Variants in ANXA4 observed in about 807,000 individuals in gnomAD.
ANXA4 encodes 35-beta calcimedin.
Under a neutral mutation model 49.8 loss-of-function variants are expected in ANXA4, and 39 were observed. The ratio of observed to expected loss-of-function variants is 0.78; its 90% confidence interval spans 0.61 to 1.02. The LOEUF (loss-of-function observed/expected upper bound fraction) is 1.02. ANXA4 is among the 50% of genes least tolerant of loss of function. ANXA4 has a pLI of 0.00. For synonymous variants in ANXA4, 134 were observed against 152.5 expected, an observed-to-expected ratio of 0.88 and a Z score of 0.89; for missense variants, 360 against 410.1, an observed-to-expected ratio of 0.88 and a Z score of 1.05.
intron 1 of ANXA4, among the ~76,000 whole-genome samples, chr2:69,776,745 A>G (rs1671976278): frequency 6.6e-6 from 1 of 151,788 alleles, no homozygotes; most frequent in Admixed American, 6.6e-5. Flanking sequence ...AGCTCATGAG[A>G]AAAAAAAATT....
At chr2:69,748,786 C>G (rs1670725531) in intron 1 of ANXA4, among the ~76,000 whole-genome samples, 1 of 150,952 alleles carries the variant, frequency 6.6e-6, no homozygotes, top group Non-Finnish European at 1.5e-5. Context: ...TCGTGGCTCA[C>G]TGCACCCTCG....
intron 1 of ANXA4, among the ~76,000 whole-genome samples, chr2:69,646,097 G>A (rs1039136431): frequency 2.0e-5 from 3 of 152,134 alleles, no homozygotes; most frequent in African/African-American, 7.2e-5. Context: ...CATAGGACCA[G>A]GAGACAGGAA....
intron 2 of ANXA4, among the ~76,000 whole-genome samples, chr2:69,658,889 G>A (rs1440141267): frequency 6.6e-6 from 1 of 152,050 alleles, no homozygotes; most frequent in Admixed American, 6.6e-5. Flanking sequence ...GTAGAGACGG[G>A]GTTTCACCAT....
intron 2 of ANXA4, among the ~76,000 whole-genome samples, chr2:69,659,429 T>TAAACAAA (rs1426446899): frequency 6.6e-6 from 1 of 151,418 alleles, no homozygotes; most frequent in Non-Finnish European, 1.5e-5. Flanking sequence ...TATGCTTCTC[T>TAAACAAA]TATTTATTTG....
chr2:69,700,669 T>G (rs1678302186), intron 2 of ANXA4, among the ~76,000 whole-genome samples: 1 of 152,188 alleles, frequency 6.6e-6, no homozygotes, highest in African/African-American at 2.4e-5. Flanking sequence ...TCAAACCACC[T>G]TTTCAAAATC....
chr2:69,728,731 T>C (rs1236526453), intron 3 of ANXA4, among the ~76,000 whole-genome samples: 1 of 152,256 alleles, frequency 6.6e-6, no homozygotes, highest in African/African-American at 2.4e-5. Context: ...TATTTCTCTA[T>C]CTGTATATGA....
intron 11 of ANXA4, 50 bp from the exon 12 acceptor site, chr2:69,820,649 G>A: frequency 6.2e-7 from 1 of 1,606,204 alleles, no homozygotes; most frequent in South Asian, 1.1e-5. Flanking sequence ...AGAAGACACT[G>A]AAAAACAGCT....
chr2:69,724,676 G>C (rs1309681931), intron 3 of ANXA4, among the ~76,000 whole-genome samples: 1 of 112,790 alleles, frequency 8.9e-6, no homozygotes, highest in Non-Finnish European at 1.8e-5. Flanking sequence ...TCTGCCAAGA[G>C]ACCTTAGTTC....
At chr2:69,671,592 G>A (rs148179980) in intron 2 of ANXA4, among the ~76,000 whole-genome samples, 7 of 152,238 alleles carry the variant, frequency 4.6e-5, no homozygotes, top group East Asian at 1.9e-4. Flanking sequence ...GTGTAGTGGC[G>A]CATGCCTGTA....
intron 8 of ANXA4, among the ~76,000 whole-genome samples, chr2:69,813,096 G>A (rs561300026): frequency 3.2e-4 from 48 of 152,238 alleles, no homozygotes; most frequent in African/African-American, 1.1e-3. Context: ...AAAATTAATA[G>A]CAAACCCCAA....
intron 2 of ANXA4, among the ~76,000 whole-genome samples, chr2:69,664,167 T>A (rs1177366197): frequency 6.6e-6 from 1 of 152,232 alleles, no homozygotes; most frequent in African/African-American, 2.4e-5. Context: ...GGAAAATAAC[T>A]TCCAACATAG....
intron 2 of ANXA4, among the ~76,000 whole-genome samples, chr2:69,688,261 T>C (rs1677859115): frequency 1.3e-5 from 2 of 152,252 alleles, no homozygotes; most frequent in Non-Finnish European, 2.9e-5. Context: ...CCCTATATTT[T>C]CTGTGATAAC....
At chr2:69,683,959 G>T (rs1268274140) in intron 2 of ANXA4, among the ~76,000 whole-genome samples, 1 of 152,172 alleles carries the variant, frequency 6.6e-6, no homozygotes, top group African/African-American at 2.4e-5. Flanking sequence ...GAGAGTTCCA[G>T]GTAAGAGAAT....
In ANXA4 at chr2:69,788,081, G is replaced by C; in HGVS notation, c.37G>C (p.Ala13Pro). 1 of 1,614,032 alleles carries C rather than the reference G, an allele frequency of 6.2e-7. No homozygotes were observed. Among genetic ancestry groups the C allele is most frequent in the Non-Finnish European group, 8.5e-7 (1 of 1,179,906 alleles). The change falls in exon 3 of 13, where the codon GCT (alanine) becomes CCT (proline). Residue 13 changes from alanine to proline, a missense_variant. Coordinates refer to ENST00000394295, the MANE Select transcript of ANXA4 (RefSeq NM_001153.5). ...AACCAAAGGAGGTACTGTCAAAGCT[G>C]CTTCAGGATTCAATGCCATGGAAGA... is the stretch of plus-strand genomic sequence containing the variant. ...MATKGGTVKA[A>P]SGFNAMEDAQ...
At chr2:69,658,342 G>A (rs1420288980) in intron 2 of ANXA4, among the ~76,000 whole-genome samples, 1 of 150,052 alleles carries the variant, frequency 6.7e-6, no homozygotes, top group Non-Finnish European at 1.5e-5. Context: ...AGAGGCTGCA[G>A]TGAGCTGAGA....
At chr2:69,738,913 C>A (rs1015990836), upstream of ANXA4, among the ~76,000 whole-genome samples, 2 of 152,200 alleles carry the variant, frequency 1.3e-5, no homozygotes, top group African/African-American at 4.8e-5. Context: ...AATTCAGACC[C>A]ACAAAATCAT....
At chr2:69,749,764 A>T (rs575272920) in intron 1 of ANXA4, among the ~76,000 whole-genome samples, 5 of 129,630 alleles carry the variant, frequency 3.9e-5, no homozygotes, top group East Asian at 2.0e-4. Context: ...GTCTCTTACT[A>T]AAAAAAAAAA....
intron 12 of ANXA4, among the ~76,000 whole-genome samples, chr2:69,823,689 C>G (rs1674342020): frequency 6.6e-6 from 1 of 152,050 alleles, no homozygotes; most frequent in Non-Finnish European, 1.5e-5. Context: ...ACTTTCAGTA[C>G]CAAATTATAT....
intron 2 of ANXA4, among the ~76,000 whole-genome samples, chr2:69,689,132 C>T (rs1031461428): frequency 1.3e-5 from 2 of 151,930 alleles, no homozygotes; most frequent in Non-Finnish European, 2.9e-5. Context: ...CACTTTGTCA[C>T]TCAGGCTGGA....
Sources: gnomAD v4.1 joint callset for allele counts (sites outside exome capture counted in the v4.1 genomes callset) on GRCh38, gnomAD v4.1.1 for gene constraint, MANE v1.5 for transcripts, NCBI Gene and HGNC (gene_info 2026-07-23, HGNC 2026-07-21) for gene names.